PDE7A: variants seen among roughly 807,000 people sequenced by gnomAD.
PDE7A encodes the protein phosphodiesterase 7A, also known as high affinity 3',5'-cyclic-AMP phosphodiesterase 7A.
Under a neutral mutation model 64.3 loss-of-function variants are expected in PDE7A, and 39 were observed. The ratio of observed to expected loss-of-function variants is 0.61; its 90% confidence interval spans 0.47 to 0.79. PDE7A has a LOEUF of 0.79. Among genes scored for constraint, PDE7A ranks in the 30% least tolerant of loss-of-function variants. The pLI is 0.00. For missense variants in PDE7A, 470 were observed against 582.8 expected, an observed-to-expected ratio of 0.81 and a Z score of 1.99; for synonymous variants, 203 against 206.8, an observed-to-expected ratio of 0.98 and a Z score of 0.16.
At chr8:65,813,091 GACACAGTAGGCACTGTGAAAA>G (rs1810295355) in intron 1 of PDE7A, among the ~76,000 whole-genome samples, 2 of 152,244 alleles carry the variant, frequency 1.3e-5, no homozygotes, top group South Asian at 4.2e-4. Flanking sequence ...AAAAGATTTG[GACACAGTAGGCACTGTGAAAA>G]ACACAAATAA....
At chr8:65,781,258 C>T (rs1445384998) in intron 2 of PDE7A, among the ~76,000 whole-genome samples, 4 of 151,834 alleles carry the variant, frequency 2.6e-5, no homozygotes, top group African/African-American at 9.7e-5. Context: ...GTAAAACTCC[C>T]CAAGACAGAA....
At chr8:65,784,513 A>G (rs1427129709) in intron 1 of PDE7A, among the ~76,000 whole-genome samples, 1 of 152,174 alleles carries the variant, frequency 6.6e-6, no homozygotes, top group Non-Finnish European at 1.5e-5. Context: ...TTAAAAGAAA[A>G]CAGGACTGTA....
At chr8:65,797,549 T>G (rs377415573) in intron 1 of PDE7A, among the ~76,000 whole-genome samples, 1 of 152,204 alleles carries the variant, frequency 6.6e-6, no homozygotes, top group Non-Finnish European at 1.5e-5. Context: ...GACAGATAAT[T>G]TCTGTTGTTT....
chr8:65,810,590 AT>A (rs1323284733), intron 1 of PDE7A, among the ~76,000 whole-genome samples: 1 of 152,190 alleles, frequency 6.6e-6, no homozygotes, highest in African/African-American at 2.4e-5. Flanking sequence ...AGAACAATAT[AT>A]TTTAACCAAG....
chr8:65,780,300 A>G (rs1187307947), intron 2 of PDE7A, among the ~76,000 whole-genome samples: 1 of 152,204 alleles, frequency 6.6e-6, no homozygotes, highest in Admixed American at 6.5e-5. Flanking sequence ...TGGAAAATAC[A>G]TTACTTATTT....
At chr8:65,742,138 G>T (rs541385547) in intron 5 of PDE7A, among the ~76,000 whole-genome samples, 3 of 152,180 alleles carry the variant, frequency 2.0e-5, no homozygotes, top group African/African-American at 7.2e-5. Flanking sequence ...AAATGGAAAT[G>T]GAAACACTTT....
At chr8:65,840,881 A>AG (rs367714654) in intron 1 of PDE7A, among the ~76,000 whole-genome samples, 157 of 152,390 alleles carry the variant, frequency 1.0e-3, no homozygotes, top group African/African-American at 3.6e-3. Context: ...CGGGGCATCT[A>AG]GGCCTATTGT....
chr8:65,773,274 A>G (rs1809164164), intron 3 of PDE7A, among the ~76,000 whole-genome samples: 1 of 152,228 alleles, frequency 6.6e-6, no homozygotes, highest in Non-Finnish European at 1.5e-5. Context: ...ATTTTTCTCT[A>G]TTAAAAAAAA....
At chr8:65,730,743 C>G (rs542647410) in intron 7 of PDE7A, among the ~76,000 whole-genome samples, 26 of 152,056 alleles carry the variant, frequency 1.7e-4, no homozygotes, top group South Asian at 6.2e-4. Flanking sequence ...GCCTGGCCAT[C>G]ATGGCAAAAC....
intron 1 of PDE7A, among the ~76,000 whole-genome samples, chr8:65,818,660 T>A (rs1251377199): frequency 6.6e-6 from 1 of 152,102 alleles, no homozygotes; most frequent in African/African-American, 2.4e-5. Context: ...AAGAGAGAAA[T>A]TTCAAGTCTC....
rs190809370 is a variant in PDE7A, at chr8:65,836,283, G to A, written c.138+5088C>T. Among the ~76,000 whole-genome samples, 240 of 152,188 alleles carry A rather than the reference G, an allele frequency of 1.6e-3. No individual in the cohort carries two copies. The Middle Eastern group carries it at 0.02, about 13-fold the overall frequency. On this transcript the variant is annotated intron_variant, in intron 1 of 12. Transcript: ENST00000401827. ...ACAAGAGCCCTTATAAACAAGCACG[G>A]GATATGCAAATAAAATTTCACAAAA...
intron 3 of PDE7A, among the ~76,000 whole-genome samples, chr8:65,763,091 C>A (rs975426192): frequency 2.0e-5 from 3 of 147,600 alleles, no homozygotes; most frequent in Non-Finnish European, 1.5e-5. Flanking sequence ...AATAAATTAG[C>A]CACTCGTAAT....
chr8:65,815,346 GT>G (rs1161382694), intron 1 of PDE7A, among the ~76,000 whole-genome samples: 1 of 152,042 alleles, frequency 6.6e-6, no homozygotes, highest in Non-Finnish European at 1.5e-5. Context: ...TACCCTAGCA[GT>G]TTTTTTCAAA....
intron 7 of PDE7A, among the ~76,000 whole-genome samples, chr8:65,729,214 G>GC (rs928134206): frequency 6.6e-6 from 1 of 152,110 alleles, no homozygotes; most frequent in African/African-American, 2.4e-5. Flanking sequence ...TATCTGCAAA[G>GC]CCATCATTAG....
At chr8:65,812,170 G>A (rs1008281664) in intron 1 of PDE7A, among the ~76,000 whole-genome samples, 1 of 150,120 alleles carries the variant, frequency 6.7e-6, no homozygotes, top group African/African-American at 2.5e-5. Flanking sequence ...ATGCACCACT[G>A]CACTCCAGCC....
chr8:65,789,155 C>T, intron 1 of PDE7A: 1 of 917,588 alleles, frequency 1.1e-6, no homozygotes, highest in East Asian at 2.9e-5. Flanking sequence ...ATGCTTCATG[C>T]CACAACCGCA....
chr8:65,812,272 G>A (rs1285286254), intron 1 of PDE7A, among the ~76,000 whole-genome samples: 1 of 151,744 alleles, frequency 6.6e-6, no homozygotes, highest in Non-Finnish European at 1.5e-5. Flanking sequence ...TTTCACATGT[G>A]ATAGAGGTGG....
chr8:65,793,465 A>G (rs1809754337), intron 1 of PDE7A, among the ~76,000 whole-genome samples: 1 of 145,486 alleles, frequency 6.9e-6, no homozygotes, highest in Non-Finnish European at 1.5e-5. Context: ...AACAATGAAA[A>G]TAAGTTTTTA....
intron 1 of PDE7A, among the ~76,000 whole-genome samples, chr8:65,787,105 A>G (rs963936920): frequency 6.6e-6 from 1 of 152,210 alleles, no homozygotes; most frequent in Non-Finnish European, 1.5e-5. Context: ...TTTAAGTGTC[A>G]TTGTTTTTAT....
Sources: gnomAD v4.1 joint callset for allele counts (sites outside exome capture counted in the v4.1 genomes callset) on GRCh38, gnomAD v4.1.1 for gene constraint, MANE v1.5 for transcripts, NCBI Gene and HGNC (gene_info 2026-07-23, HGNC 2026-07-21) for gene names.